PFKFB3: variants seen among roughly 807,000 people sequenced by gnomAD.
PFKFB3 encodes 6-phosphofructo-2-kinase/fructose-2,6-biphosphatase 3, also known as 6-phosphofructo-2-kinase/fructose-2,6-bisphosphatase 3.
A neutral mutation model predicts 68.0 loss-of-function variants in PFKFB3; 33 were observed. The observed-to-expected ratio is 0.49, with a 90% confidence interval of 0.37 to 0.65. PFKFB3 has a LOEUF of 0.65. Among genes scored for constraint, PFKFB3 ranks in the 30% least tolerant of loss-of-function variants. The pLI, the probability that PFKFB3 is intolerant of heterozygous loss-of-function variation, is 0.00. For missense variants in PFKFB3, 586 were observed against 712.2 expected (o/e 0.82, Z 2.02); for synonymous variants, 315 against 288.2 (o/e 1.09, Z -0.94).
intron 1 of PFKFB3, among the ~76,000 whole-genome samples, chr10:6,211,027 A>G (rs1844200334): frequency 6.6e-6 from 1 of 152,082 alleles, no homozygotes; most frequent in African/African-American, 2.4e-5. Context: ...CTTGTTCTGC[A>G]GTCAAATGCT....
chr10:6,223,105 G>A (rs1023516437), intron 11 of PFKFB3, 121 bp downstream of exon 11: 1 of 1,026,356 alleles, frequency 9.7e-7, no homozygotes, highest in African/African-American at 1.6e-5. Flanking sequence ...GGGGTGTTAG[G>A]AGAAGGGCAC....
chr10:6,206,837 A>G (rs1318819399), intron 1 of PFKFB3, among the ~76,000 whole-genome samples: 52 of 27,854 alleles, frequency 1.9e-3, no homozygotes, highest in Middle Eastern at 0.019. Context: ...CACTTCCCAG[A>G]CGGGGTGGCG....
the PFKFB3 span, among the ~76,000 whole-genome samples, chr10:6,323,514 C>A: frequency 2.0e-5 from 3 of 152,134 alleles, no homozygotes; most frequent in Non-Finnish European, 4.4e-5. Context: ...TACCCTGCAG[C>A]GCTTAGCTCT....
At chr10:6,214,122 G>C (rs924451425) in intron 2 of PFKFB3, among the ~76,000 whole-genome samples, 3 of 152,190 alleles carry the variant, frequency 2.0e-5, no homozygotes, top group Admixed American at 6.5e-5. Context: ...TCAACCCCCA[G>C]GCTGTGGACT....
At chr10:6,221,308 G>C in intron 8 of PFKFB3, 73 bp from the exon 9 acceptor site, 1 of 1,575,892 alleles carries the variant, frequency 6.3e-7, no homozygotes, top group Admixed American at 1.8e-5. Flanking sequence ...TACGTGGGCT[G>C]CCTGCTCCAG....
the PFKFB3 span, among the ~76,000 whole-genome samples, chr10:6,274,174 T>G: frequency 1.3e-5 from 2 of 151,724 alleles, no homozygotes; most frequent in Non-Finnish European, 2.9e-5. Flanking sequence ...TACTCCAGCC[T>G]AGGTGACAGA....
At chr10:6,310,613 GACTCT>G in the PFKFB3 span, among the ~76,000 whole-genome samples, 2 of 152,176 alleles carry the variant, frequency 1.3e-5, no homozygotes, top group African/African-American at 2.4e-5. Context: ...AGTCGGCCTT[GACTCT>G]ACTCTACCAC....
intron 14 of PFKFB3, among the ~76,000 whole-genome samples, chr10:6,244,416 G>A (rs1315789952): frequency 6.6e-6 from 1 of 152,096 alleles, no homozygotes; most frequent in Non-Finnish European, 1.5e-5. Flanking sequence ...GGTCTTTCTG[G>A]ACCAACTTGG....
intron 14 of PFKFB3, among the ~76,000 whole-genome samples, chr10:6,251,420 T>C (rs1238487889): frequency 1.3e-5 from 2 of 152,238 alleles, no homozygotes; most frequent in African/African-American, 4.8e-5. Context: ...AATATGTCTT[T>C]GTTAGCTTAT....
the PFKFB3 span, among the ~76,000 whole-genome samples, chr10:6,270,032 T>A: frequency 1.3e-5 from 2 of 152,042 alleles, no homozygotes; most frequent in African/African-American, 4.8e-5. Context: ...CTTGGGAGGC[T>A]GAGGCAGGAG....
chr10:6,314,067 T>A, the PFKFB3 span, among the ~76,000 whole-genome samples: 1 of 152,230 alleles, frequency 6.6e-6, no homozygotes, highest in African/African-American at 2.4e-5. Context: ...GCAAGGGCAG[T>A]CACTGTTTCC....
At chr10:6,182,524 A>G (rs1172702184) in intron 1 of PFKFB3, among the ~76,000 whole-genome samples, 4 of 151,936 alleles carry the variant, frequency 2.6e-5, no homozygotes, top group Non-Finnish European at 5.9e-5. Flanking sequence ...CCTTCGCCAG[A>G]CCTCCCAGGC....
chr10:6,157,024 A>G (rs889284209), intron 1 of PFKFB3, among the ~76,000 whole-genome samples: 1 of 151,024 alleles, frequency 6.6e-6, no homozygotes, highest in African/African-American at 2.4e-5. Flanking sequence ...CCTAAGAAGT[A>G]GAGGTTGCAG....
chr10:6,220,724 C>T lies in PFKFB3; in HGVS notation c.690C>T (p.His230=), dbSNP rs1422929712. The T allele has an allele frequency of 1.2e-6, 2 of 1,613,996 alleles. No individual in the cohort carries two copies. Among genetic ancestry groups the T allele is most frequent in the African/African-American group, 1.3e-5 (1 of 74,896 alleles). Reference sequence around the variant, plus strand: ...TCCTGGTGAACCGGGTGCAGGACCACATCCAGAGCCGCATCGTGTACTACC... The same window carrying T: ...TCCTGGTGAACCGGGTGCAGGACCATATCCAGAGCCGCATCGTGTACTACC... The part of the protein sequence containing the change: ...RRFLVNRVQD[H]IQSRIVYYLM... Residue 230 remains histidine (H), a synonymous_variant, in exon 8 of 15, where the codon CAC becomes CAT. Coordinates refer to ENST00000379775, the MANE Select transcript of PFKFB3 (RefSeq NM_004566.4). This position sits in a 1 kb window ranked among gnomAD's most constrained non-coding sequence, Gnocchi z 4.1.
the PFKFB3 span, among the ~76,000 whole-genome samples, chr10:6,318,102 G>A: frequency 7.2e-5 from 11 of 152,276 alleles, no homozygotes; most frequent in East Asian, 1.2e-3. Context: ...TTCAGTTCCC[G>A]GGAAATAGCT....
chr10:6,243,479 A>C (rs937541352), intron 14 of PFKFB3, among the ~76,000 whole-genome samples: 2 of 152,182 alleles, frequency 1.3e-5, no homozygotes, highest in African/African-American at 4.8e-5. Context: ...CCCCCTGGGA[A>C]GGGAACTGGG....
the PFKFB3 span, among the ~76,000 whole-genome samples, chr10:6,287,929 C>T: frequency 6.6e-6 from 1 of 152,096 alleles, no homozygotes; most frequent in African/African-American, 2.4e-5. Context: ...CTCTGAAAAA[C>T]TTCTTTTAAT....
At chr10:6,192,146 A>G (rs1843041776) in intron 1 of PFKFB3, among the ~76,000 whole-genome samples, 1 of 125,312 alleles carries the variant, frequency 8.0e-6, no homozygotes, top group African/African-American at 2.7e-5. Context: ...CAATACACAC[A>G]CACACACACA....
chr10:6,177,628 C>T (rs1028624391), intron 1 of PFKFB3, among the ~76,000 whole-genome samples: 5 of 150,734 alleles, frequency 3.3e-5, no homozygotes, highest in African/African-American at 1.2e-4. Flanking sequence ...CGGGTTCAAG[C>T]AATTCTCCTG....
Sources: allele counts gnomAD v4.1 joint callset (sites outside exome capture counted in the v4.1 genomes callset), GRCh38; gene constraint gnomAD v4.1.1; non-coding constraint Gnocchi (gnomAD v3.1); transcripts MANE v1.5; gene names NCBI Gene and HGNC (gene_info 2026-07-23, HGNC 2026-07-21).